Variants in ZFHX3 observed in about 807,000 individuals in gnomAD.
ZFHX3 encodes zinc finger homeobox protein 3.
Under a neutral mutation model 279.1 loss-of-function variants are expected in ZFHX3, and 42 were observed. The observed-to-expected ratio is 0.15, with a 90% CI of 0.12 to 0.19. ZFHX3 has a LOEUF of 0.19. ZFHX3 is among the 10% of genes least tolerant of loss of function. The pLI is 1.00. For synonymous variants in ZFHX3, 2,293 were observed against 1,957.8 expected, an observed-to-expected ratio of 1.17 and a Z score of -4.52; for missense variants, 4,981 against 4,754.0, an observed-to-expected ratio of 1.05 and a Z score of -1.40.
intron 4 of ZFHX3, among the ~76,000 whole-genome samples, chr16:73,264,855 TCACTTAGAGTAATAATCTCCAATCCCATC>T (rs2013924700): frequency 1.3e-5 from 2 of 152,124 alleles, no homozygotes; most frequent in African/African-American, 4.8e-5. Flanking sequence ...TTGAGTTACT[TCACTTAGAGTAATAATCTCCAATCCCATC>T]CAGGTTGCTG....
intron 1 of ZFHX3, among the ~76,000 whole-genome samples, chr16:73,763,882 G>A (rs771263948): frequency 5.8e-4 from 82 of 141,914 alleles, no homozygotes; most frequent in African/African-American, 1.8e-3. Context: ...TTAATTCTGC[G>A]ACCAAAAGGA....
chr16:72,925,685 G>T (rs751942427), intron 3 of ZFHX3, among the ~76,000 whole-genome samples: 1 of 152,228 alleles, frequency 6.6e-6, no homozygotes, highest in Non-Finnish European at 1.5e-5. Context: ...AAATGGACCC[G>T]CACAATCATC....
chr16:73,600,153 C>A (rs888461086), intron 2 of ZFHX3, among the ~76,000 whole-genome samples: 1 of 152,116 alleles, frequency 6.6e-6, no homozygotes, highest in Non-Finnish European at 1.5e-5. Context: ...CTGTAAGTAA[C>A]CTCCAAATCT....
At position 72,798,594 on chromosome 16, in the gene ZFHX3, C is replaced by G. The variant is rs1353039043; in HGVS notation, c.4088G>C (p.Trp1363Ser). The change falls in exon 9 of 10, where the codon TGG becomes TCG. Residue 1363 changes from tryptophan (W) to serine (S), a missense_variant. By Grantham distance (177) the Trp-to-Ser change is radical (BLOSUM62 -3). Transcript: ENST00000268489. ...GAAAACCTGGTTGCACCCCTTCTTC[C>G]AGCAGATGAAGCCTGAGTCTTCTCT... The part of the protein sequence containing the change: ...SVREDSGFIC[W>S]KKGCNQVFKT... The G allele has an allele frequency of 6.2e-7, 1 of 1,614,160 alleles. No individual in the cohort carries two copies. Among genetic ancestry groups the G allele is most frequent in the South Asian group, 1.1e-5 (1 of 91,078 alleles).
At position 73,270,698 on chromosome 16, in the gene ZFHX3, A is replaced by C. The variant is rs368417495; in HGVS notation, c.-1193-13562T>G. Among the ~76,000 whole-genome samples, 22 of 152,298 alleles carry C rather than the reference A, an allele frequency of 1.4e-4. 1 individual carries two copies. In the South Asian group the frequency reaches 1.5e-3, roughly 10 times the overall value. Reference sequence around the variant, plus strand: ...GGTATATGGAGGTCAGCGGTCCCCTATCAGGCTGCTCATTAGAACCAGGGA... The same window carrying C: ...GGTATATGGAGGTCAGCGGTCCCCTCTCAGGCTGCTCATTAGAACCAGGGA... On this transcript the variant is annotated intron_variant, in intron 4 of 17. Coordinates refer to the ZFHX3 transcript ENST00000641206.
intron 5 of ZFHX3, among the ~76,000 whole-genome samples, chr16:72,816,247 TG>T (rs1376133039): frequency 6.6e-6 from 1 of 152,222 alleles, no homozygotes; most frequent in Admixed American, 6.5e-5. Context: ...AAACATCAGA[TG>T]GTATTTTTTA....
chr16:72,856,490 G>A (rs995953133), intron 4 of ZFHX3, among the ~76,000 whole-genome samples: 2 of 152,206 alleles, frequency 1.3e-5, no homozygotes, highest in Non-Finnish European at 2.9e-5. Context: ...CAGGAGCTTA[G>A]ATGCCTTCAA....
intron 1 of ZFHX3, among the ~76,000 whole-genome samples, chr16:73,842,387 C>A (rs1264829733): frequency 6.6e-6 from 1 of 152,048 alleles, no homozygotes; most frequent in African/African-American, 2.4e-5. Context: ...AATTACCCCC[C>A]AGCCTTAAGT....
intron 3 of ZFHX3, among the ~76,000 whole-genome samples, chr16:72,943,336 C>A (rs1016791180): frequency 6.6e-6 from 1 of 152,118 alleles, no homozygotes; most frequent in Non-Finnish European, 1.5e-5. Flanking sequence ...GAGTTTGAGA[C>A]CAGCCTGGCC....
At chr16:73,552,871 C>T (rs2020222231) in intron 2 of ZFHX3, among the ~76,000 whole-genome samples, 1 of 152,200 alleles carries the variant, frequency 6.6e-6, no homozygotes, top group Non-Finnish European at 1.5e-5. Context: ...TAACACGCAA[C>T]CAGTAACACC....
Position 73,107,674 on chromosome 16 carries a change from C to T in ZFHX3, c.-896-14076G>A, listed in dbSNP as rs79788645. Among the ~76,000 whole-genome samples, 126 of 152,280 alleles carry T rather than the reference C, an allele frequency of 8.3e-4. 1 individual carries two copies. The East Asian group carries it at 0.017, about 20-fold the overall frequency. On this transcript the variant is annotated intron_variant, in intron 7 of 17. Transcript: ENST00000641206. ...TGTGAGCATCTTGAGGGCAGCACCA[C>T]GCGTATTTGGTTTGGAACCCCAAGC...
intron 2 of ZFHX3, among the ~76,000 whole-genome samples, chr16:73,482,421 A>G (rs2018885439): frequency 6.6e-6 from 1 of 152,096 alleles, no homozygotes; most frequent in Non-Finnish European, 1.5e-5. Context: ...TCGGCCCTTC[A>G]CATCCCTTCT....
At chr16:73,875,855 C>T (rs1266749347) in intron 1 of ZFHX3, among the ~76,000 whole-genome samples, 2 of 152,182 alleles carry the variant, frequency 1.3e-5, no homozygotes, top group Non-Finnish European at 2.9e-5. Context: ...TATCAATCCA[C>T]CTACACCGAA....
At chr16:73,060,792 A>C (rs1205950689), upstream of ZFHX3, 1 of 152,156 alleles carries the variant, frequency 6.6e-6, no homozygotes, top group African/African-American at 2.4e-5. Flanking sequence ...TCTTGGGAAA[A>C]AATGTTGCCC....
intron 3 of ZFHX3, among the ~76,000 whole-genome samples, chr16:73,428,744 C>G (rs973371244): frequency 6.6e-6 from 1 of 152,188 alleles, no homozygotes; most frequent in African/African-American, 2.4e-5. Flanking sequence ...CTGCCACGCT[C>G]TCCATTGAAG....
intron 1 of ZFHX3, among the ~76,000 whole-genome samples, chr16:73,723,787 C>T (rs976774795): frequency 1.3e-5 from 2 of 152,080 alleles, no homozygotes; most frequent in African/African-American, 2.4e-5. Context: ...CTGAATTAAA[C>T]GATCTTTAAA....
intron 3 of ZFHX3, among the ~76,000 whole-genome samples, chr16:73,418,981 C>T (rs529445836): frequency 7.9e-5 from 12 of 152,286 alleles, no homozygotes; most frequent in African/African-American, 1.7e-4. Context: ...TTAACATGGA[C>T]GTCAAACTGA....
chr16:73,240,354 G>T (rs1445802650), intron 5 of ZFHX3, among the ~76,000 whole-genome samples: 1 of 152,022 alleles, frequency 6.6e-6, no homozygotes, highest in Non-Finnish European at 1.5e-5. Flanking sequence ...GAGTAGCTGG[G>T]ATTACAGGCA....
intron 2 of ZFHX3, among the ~76,000 whole-genome samples, chr16:73,535,773 A>G (rs1431527858): frequency 7.1e-6 from 1 of 140,972 alleles, no homozygotes; most frequent in Admixed American, 7.6e-5. Flanking sequence ...GCCAGGCTGG[A>G]GTGCAATGGT....
Sources: gnomAD v4.1 joint callset for allele counts (sites outside exome capture counted in the v4.1 genomes callset) on GRCh38, gnomAD v4.1.1 for gene constraint, MANE v1.5 for transcripts, NCBI Gene and HGNC (gene_info 2026-07-23, HGNC 2026-07-21) for gene names.